BAIAP2L1: variants seen among roughly 807,000 people sequenced by gnomAD.
BAIAP2L1 encodes BAR/IMD domain containing adaptor protein 2 like 1.
BAIAP2L1 carries 35 observed loss-of-function variants against 66.3 expected under a neutral mutation model. The observed-to-expected ratio is 0.53, with a 90% CI of 0.40 to 0.70. The LOEUF is 0.70. Among genes scored for constraint, BAIAP2L1 ranks in the 30% least tolerant of loss-of-function variants. BAIAP2L1 has a pLI of 0.00. For missense variants in BAIAP2L1, 622 were observed against 656.9 expected (o/e 0.95, Z 0.58); for synonymous variants, 269 against 248.7 (o/e 1.08, Z -0.77).
Position 98,292,381 on chromosome 7 carries a change from G to GT in BAIAP2L1, c.*1139dup, listed in dbSNP as rs1800002240. The GT allele has an allele frequency of 2.2e-6, 1 of 457,208 alleles. No individual in the cohort carries two copies. The highest frequency in any genetic ancestry group is 2.0e-5 in the African/African-American group (1 of 49,866). The allele number at this position is 457,208 out of a possible 1,614,324, so 28.3% of individuals were successfully genotyped here. A position where few individuals can be genotyped will look rare whatever the true frequency, so the allele number is the denominator to read the frequency against. On this transcript the variant is annotated 3_prime_UTR_variant, in exon 14 of 14. Coordinates refer to ENST00000005260, the MANE Select transcript of BAIAP2L1 (RefSeq NM_018842.5). ...CCACCACCACACCTGTCTAATTTTT[G>GT]TATTTTTAGTAGAGACTCCTGACCT...
intron 1 of BAIAP2L1, chr7:98,400,045 A>G (rs1029229414): frequency 6.6e-6 from 1 of 151,754 alleles, no homozygotes; most frequent in Non-Finnish European, 1.5e-5. Flanking sequence ...TTCTTAGAGG[A>G]AACTCGAGCT....
chr7:98,377,828 A>C, intron 1 of BAIAP2L1, among the ~76,000 whole-genome samples: 1 of 144,416 alleles, frequency 6.9e-6, no homozygotes, highest in Non-Finnish European at 1.5e-5. Context: ...TCAAAAAAAA[A>C]AAAAAAAAAA....
At chr7:98,328,679 C>CAAAA (rs1158387861) in intron 3 of BAIAP2L1, among the ~76,000 whole-genome samples, 1 of 56,656 alleles carries the variant, frequency 1.8e-5, no homozygotes. Flanking sequence ...GATCCCATCT[C>CAAAA]AAAAAAAAAA....
At chr7:98,389,247 G>A (rs1319301376) in intron 1 of BAIAP2L1, among the ~76,000 whole-genome samples, 1 of 152,124 alleles carries the variant, frequency 6.6e-6, no homozygotes, top group Non-Finnish European at 1.5e-5. Flanking sequence ...TAGGGTAGCT[G>A]GTGGTTGGAT....
intron 1 of BAIAP2L1, among the ~76,000 whole-genome samples, chr7:98,396,197 G>T (rs1320581781): frequency 6.6e-6 from 1 of 151,966 alleles, no homozygotes; most frequent in Non-Finnish European, 1.5e-5. Flanking sequence ...AGCCTACTGA[G>T]GAGCTGGGAC....
At chr7:98,310,029 T>C (rs1009534286) in intron 9 of BAIAP2L1, 1 of 160,520 alleles carries the variant, frequency 6.2e-6, no homozygotes, top group Non-Finnish European at 1.4e-5. Flanking sequence ...TTTTGTATTT[T>C]TAGTAGCGAT....
In BAIAP2L1 at chr7:98,393,136, C is replaced by T. The variant is rs759618995; in HGVS notation, c.51+7666G>A. ...GTACACATATATGTATATATACACA[C>T]ATATGTGTACATATATATGTACACA... is the stretch of plus-strand genomic sequence containing the variant. On this transcript the variant is annotated intron_variant, in intron 1 of 13. Transcript: ENST00000005260. 8.0e-5 allele frequency among the ~76,000 whole-genome samples: 9 copies of T among 112,992 alleles called. 1 individual carries two copies. Among genetic ancestry groups the T allele is most frequent in the East Asian group, 2.5e-4 (1 of 4,044 alleles). The allele number at this position is 112,992 out of a possible 152,430, so 74.1% of individuals were successfully genotyped here.
At chr7:98,331,597 T>C (rs548215053) in intron 3 of BAIAP2L1, among the ~76,000 whole-genome samples, 16 of 150,674 alleles carry the variant, frequency 1.1e-4, no homozygotes, top group Admixed American at 2.0e-4. Context: ...GCCTCCCGAG[T>C]AGCTGGGATT....
chr7:98,330,358 A>C lies in BAIAP2L1; in HGVS notation c.215-10060T>G, dbSNP rs375168483. Among the ~76,000 whole-genome samples the C allele has an allele frequency of 9.8e-5, 15 of 152,290 alleles. No individual in the cohort carries two copies. In the East Asian group the frequency reaches 2.1e-3, roughly 22 times the overall value. ...AAGAACACCCGAGACTGGGTAATTC[A>C]TTAATAAAGGAGGTTTAGGCCAGGC... On this transcript the variant is annotated intron_variant, in intron 3 of 13. Coordinates refer to ENST00000005260, the MANE Select transcript of BAIAP2L1 (RefSeq NM_018842.5).
chr7:98,388,859 A>C lies in BAIAP2L1; in HGVS notation c.51+11943T>G, dbSNP rs567421261. Among the ~76,000 whole-genome samples, 5 of 151,672 alleles carry C rather than the reference A, an allele frequency of 3.3e-5. No individual in the cohort carries two copies. In the South Asian group the frequency reaches 1.0e-3, roughly 32 times the overall value. Reference sequence around the variant, plus strand: ...CTTGGCGGCACGTGCCTGTAGTCCCAGCTACTTGGGAGGCTGAGGCAGGAG... The same window carrying C: ...CTTGGCGGCACGTGCCTGTAGTCCCCGCTACTTGGGAGGCTGAGGCAGGAG... On this transcript the variant is annotated intron_variant, in intron 1 of 13. Coordinates refer to ENST00000005260, the MANE Select transcript of BAIAP2L1 (RefSeq NM_018842.5).
At chr7:98,349,266 T>C (rs1322947326) in intron 3 of BAIAP2L1, among the ~76,000 whole-genome samples, 1 of 152,114 alleles carries the variant, frequency 6.6e-6, no homozygotes, top group Non-Finnish European at 1.5e-5. Context: ...AGGAGGCTAC[T>C]GAGGATGAAA....
intron 3 of BAIAP2L1, among the ~76,000 whole-genome samples, chr7:98,349,731 C>A (rs1003836848): frequency 6.6e-6 from 1 of 151,434 alleles, no homozygotes; most frequent in South Asian, 2.1e-4. Flanking sequence ...AAAATACGGC[C>A]GGGGATGGTG....
chr7:98,366,413 G>A (rs573206652), intron 1 of BAIAP2L1, among the ~76,000 whole-genome samples: 89 of 152,154 alleles, frequency 5.8e-4, no homozygotes, highest in African/African-American at 1.8e-3. Flanking sequence ...CACCTTCTGC[G>A]GCCCAGTCCT....
At chr7:98,304,113 A>C in intron 12 of BAIAP2L1, 83 bp downstream of exon 12, 1 of 1,397,790 alleles carries the variant, frequency 7.2e-7, no homozygotes. Context: ...AGAGCAGAGC[A>C]AGGCGGTCAC....
At chr7:98,389,641 A>G (rs930989397) in intron 1 of BAIAP2L1, among the ~76,000 whole-genome samples, 2 of 151,828 alleles carry the variant, frequency 1.3e-5, no homozygotes, top group African/African-American at 2.4e-5. Context: ...GATTTCCCCC[A>G]TACTTTTGAC....
At chr7:98,329,946 A>G (rs1043758260) in intron 3 of BAIAP2L1, among the ~76,000 whole-genome samples, 3 of 152,218 alleles carry the variant, frequency 2.0e-5, no homozygotes, top group African/African-American at 7.2e-5. Flanking sequence ...TGGGAAAACC[A>G]AAGACAACAG....
At chr7:98,364,052 T>C (rs958621224) in intron 1 of BAIAP2L1, among the ~76,000 whole-genome samples, 2 of 152,112 alleles carry the variant, frequency 1.3e-5, no homozygotes. Context: ...TTTCTTGATT[T>C]TGGGGAGTAA....
intron 3 of BAIAP2L1, among the ~76,000 whole-genome samples, chr7:98,352,790 C>A (rs1802027525): frequency 6.6e-6 from 1 of 152,146 alleles, no homozygotes; most frequent in African/African-American, 2.4e-5. Context: ...GCTGTTTCAA[C>A]ATTAGGAACT....
In BAIAP2L1 at chr7:98,374,331, T is replaced by A. The variant is rs189946430; in HGVS notation, c.52-11899A>T. Among the ~76,000 whole-genome samples the A allele has an allele frequency of 1.7e-3, 264 of 152,330 alleles. 1 individual carries two copies. The highest frequency in any genetic ancestry group is 6.2e-3 in the African/African-American group (258 of 41,578). On this transcript the variant is annotated intron_variant, in intron 1 of 13. Coordinates refer to ENST00000005260, the MANE Select transcript of BAIAP2L1 (RefSeq NM_018842.5). Reference sequence around the variant, plus strand: ...GGGCTACTATGAATCCGGCTCTATGTCTAACATTTTACATGGATTGTCTCA... The same window carrying A: ...GGGCTACTATGAATCCGGCTCTATGACTAACATTTTACATGGATTGTCTCA...
Sources: gnomAD v4.1 joint callset for allele counts (sites outside exome capture counted in the v4.1 genomes callset) on GRCh38, gnomAD v4.1.1 for gene constraint, MANE v1.5 for transcripts, NCBI Gene and HGNC (gene_info 2026-07-23, HGNC 2026-07-21) for gene names.